The following GPC5 variants were observed in gnomAD, a reference collection of about 807,000 sequenced individuals.
GPC5 encodes the protein glypican-5.
Under a neutral mutation model 53.9 loss-of-function variants are expected in GPC5, and 47 were observed. The observed-to-expected ratio is 0.87, with a 90% confidence interval of 0.69 to 1.11. GPC5 has a LOEUF of 1.11. Ranked by LOEUF, GPC5 falls within the 50% of genes most tolerant of loss-of-function variation. The pLI, the probability that GPC5 is intolerant of heterozygous loss-of-function variation, is 0.00. For missense variants in GPC5, 748 were observed against 713.1 expected (o/e 1.05, Z -0.56); for synonymous variants, 286 against 263.3 (o/e 1.09, Z -0.84).
intron 5 of GPC5, among the ~76,000 whole-genome samples, chr13:91,760,926 G>A (rs550979815): frequency 2.0e-5 from 3 of 152,246 alleles, no homozygotes; most frequent in Non-Finnish European, 2.9e-5. Context: ...GCAACACTGA[G>A]GTCAACAGTT....
intron 2 of GPC5, among the ~76,000 whole-genome samples, chr13:91,502,423 T>C (rs927306282): frequency 6.6e-6 from 1 of 152,202 alleles, no homozygotes; most frequent in African/African-American, 2.4e-5. Context: ...GCTCACTCCC[T>C]TTGTTTAACT....
chr13:91,402,238 T>C (rs1026480852), intron 1 of GPC5, among the ~76,000 whole-genome samples: 1 of 152,218 alleles, frequency 6.6e-6, no homozygotes, highest in African/African-American at 2.4e-5. Context: ...CTATAGCAAG[T>C]ATACTCTCGA....
At chr13:91,602,694 C>G (rs989199452) in intron 2 of GPC5, among the ~76,000 whole-genome samples, 1 of 152,150 alleles carries the variant, frequency 6.6e-6, no homozygotes, top group Admixed American at 6.6e-5. Context: ...ACATATTGCT[C>G]TGATTCCTTC....
chr13:91,725,460 A>G (rs182309480), intron 3 of GPC5, among the ~76,000 whole-genome samples: 25 of 152,266 alleles, frequency 1.6e-4, no homozygotes, highest in Admixed American at 9.8e-4. Flanking sequence ...TAGTGTCCTG[A>G]TAACAGATGG....
At chr13:91,974,806 T>C (rs555456245) in intron 6 of GPC5, among the ~76,000 whole-genome samples, 3,338 of 151,738 alleles carry the variant, frequency 0.022, 118 homozygotes, top group African/African-American at 0.077. Flanking sequence ...GAGCCCACAA[T>C]GCCAAGACAA....
chr13:92,819,387 A>G (rs1350088643), intron 7 of GPC5, among the ~76,000 whole-genome samples: 1 of 152,202 alleles, frequency 6.6e-6, no homozygotes, highest in Non-Finnish European at 1.5e-5. Flanking sequence ...AGTTGGCCCT[A>G]CAAAACAAAA....
chr13:91,521,893 C>T (rs76304467), intron 2 of GPC5, among the ~76,000 whole-genome samples: 14,804 of 152,256 alleles, frequency 0.097, 934 homozygotes, highest in South Asian at 0.28. Flanking sequence ...AATGGGGTTC[C>T]CATGCCACTG....
intron 2 of GPC5, among the ~76,000 whole-genome samples, chr13:91,616,729 G>T (rs535176653): frequency 6.6e-6 from 1 of 152,054 alleles, no homozygotes; most frequent in Admixed American, 6.6e-5. Flanking sequence ...AGTAATTTAG[G>T]TATTTTCTTT....
intron 2 of GPC5, among the ~76,000 whole-genome samples, chr13:91,606,438 T>A (rs912148983): frequency 1.1e-4 from 17 of 151,188 alleles, no homozygotes; most frequent in Non-Finnish European, 2.1e-4. Context: ...TGTCTCTGCC[T>A]GGCTTTGGTA....
chr13:92,245,262 T>C (rs1242666733), intron 7 of GPC5, among the ~76,000 whole-genome samples: 1 of 152,092 alleles, frequency 6.6e-6, no homozygotes, highest in Non-Finnish European at 1.5e-5. Context: ...CCTGTTAAAA[T>C]ATCACCATTT....
At chr13:92,008,553 T>TA (rs1184185317) in intron 6 of GPC5, among the ~76,000 whole-genome samples, 4 of 152,100 alleles carry the variant, frequency 2.6e-5, no homozygotes, top group Admixed American at 6.5e-5. Flanking sequence ...ATTATCTTTT[T>TA]AAAAAATAAT....
chr13:92,212,517 A>G (rs1293179178), intron 7 of GPC5, among the ~76,000 whole-genome samples: 1 of 152,192 alleles, frequency 6.6e-6, no homozygotes, highest in Non-Finnish European at 1.5e-5. Flanking sequence ...AGAGCAAAAT[A>G]TCTTAAAGAG....
At chr13:91,725,436 C>T (rs1286284365) in intron 3 of GPC5, among the ~76,000 whole-genome samples, 1 of 152,136 alleles carries the variant, frequency 6.6e-6, no homozygotes, top group African/African-American at 2.4e-5. Flanking sequence ...CTCTAGGGAG[C>T]TGAGGTGACA....
chr13:92,224,664 A>T (rs545021177), intron 7 of GPC5, among the ~76,000 whole-genome samples: 1 of 152,324 alleles, frequency 6.6e-6, no homozygotes, highest in South Asian at 2.1e-4. Context: ...GGTATGTACT[A>T]GGCAGAGGGT....
At chr13:92,584,290 G>A (rs1883465598) in intron 7 of GPC5, among the ~76,000 whole-genome samples, 1 of 152,140 alleles carries the variant, frequency 6.6e-6, no homozygotes, top group Admixed American at 6.5e-5. Flanking sequence ...TGGACAATAA[G>A]GTCCGGGCTG....
intron 7 of GPC5, among the ~76,000 whole-genome samples, chr13:92,693,398 G>T (rs1887470995): frequency 6.6e-6 from 1 of 152,142 alleles, no homozygotes; most frequent in South Asian, 2.1e-4. Flanking sequence ...GGATGGTTTT[G>T]ACTAACATGC....
At chr13:91,522,705 C>T (rs1885885114) in intron 2 of GPC5, among the ~76,000 whole-genome samples, 1 of 152,180 alleles carries the variant, frequency 6.6e-6, no homozygotes, top group South Asian at 2.1e-4. Flanking sequence ...TGATGTTTCC[C>T]TACCCCGTGT....
At chr13:92,827,423 G>A (rs913757257) in intron 7 of GPC5, among the ~76,000 whole-genome samples, 2 of 152,088 alleles carry the variant, frequency 1.3e-5, no homozygotes, top group Non-Finnish European at 2.9e-5. Context: ...GGAAGGAGGC[G>A]ATGACCTAGA....
At chr13:92,273,656 T>C (rs1434648064) in intron 7 of GPC5, among the ~76,000 whole-genome samples, 1 of 150,068 alleles carries the variant, frequency 6.7e-6, no homozygotes, top group African/African-American at 2.4e-5. Flanking sequence ...ATTAAAACAA[T>C]TAAAAATGGC....
Sources: gnomAD v4.1 joint callset for allele counts (sites outside exome capture counted in the v4.1 genomes callset) on GRCh38, gnomAD v4.1.1 for gene constraint, MANE v1.5 for transcripts, NCBI Gene and HGNC (gene_info 2026-07-23, HGNC 2026-07-21) for gene names.